The following C1orf87 variants were observed in gnomAD, a reference collection of about 807,000 sequenced individuals.
The protein encoded by C1orf87 is uncharacterized protein C1orf87.
A neutral mutation model predicts 60.5 loss-of-function variants in C1orf87; 58 were observed. The observed-to-expected ratio is 0.96, with a 90% CI of 0.78 to 1.19. C1orf87 has a LOEUF of 1.19. Among genes scored for constraint, C1orf87 ranks in the 50% most tolerant of loss-of-function variants. The pLI is 0.00. For missense variants in C1orf87, 673 were observed against 638.6 expected, an observed-to-expected ratio of 1.05 and a Z score of -0.58; for synonymous variants, 236 against 227.4, an observed-to-expected ratio of 1.04 and a Z score of -0.34.
At chr1:60,004,097 T>G (rs140042253) in intron 9 of C1orf87, among the ~76,000 whole-genome samples, 306 of 152,156 alleles carry the variant, frequency 2.0e-3, no homozygotes, top group African/African-American at 6.7e-3. Flanking sequence ...TATAAGAGGT[T>G]CAAAATACTC....
intron 3 of C1orf87, among the ~76,000 whole-genome samples, chr1:60,052,673 C>T (rs372070146): frequency 2.6e-5 from 4 of 152,204 alleles, no homozygotes; most frequent in African/African-American, 9.7e-5. Context: ...AGCAACTTCT[C>T]TTTTGGAGCA....
intron 2 of C1orf87, 108 bp from the exon 3 acceptor site, chr1:60,055,546 G>T: frequency 1.1e-6 from 1 of 875,768 alleles, no homozygotes; most frequent in Non-Finnish European, 1.8e-6. Flanking sequence ...TAGAAACTCA[G>T]CACAGTGGAA....
At chr1:60,014,806 T>C (rs774230994) in intron 8 of C1orf87, among the ~76,000 whole-genome samples, 5 of 152,202 alleles carry the variant, frequency 3.3e-5, no homozygotes, top group Non-Finnish European at 2.9e-5. Flanking sequence ...TCTCAGCACA[T>C]ACTGCTCCTT....
At chr1:60,033,687 C>A in intron 6 of C1orf87, 46 bp from the exon 7 acceptor site, 1 of 1,576,180 alleles carries the variant, frequency 6.3e-7, no homozygotes. Flanking sequence ...GTTATCCACC[C>A]AAGGCAGCTG....
intron 2 of C1orf87, among the ~76,000 whole-genome samples, chr1:60,066,719 C>T (rs1488538647): frequency 6.6e-6 from 1 of 151,796 alleles, no homozygotes; most frequent in East Asian, 1.9e-4. Flanking sequence ...GATACATGTG[C>T]AGAATGTGCA....
chr1:60,001,013 T>A, intron 10 of C1orf87, 64 bp downstream of exon 10: 1 of 1,333,162 alleles, frequency 7.5e-7, no homozygotes, highest in East Asian at 2.4e-5. Flanking sequence ...CCATCCAGCA[T>A]CAGAGAAAAG....
At chr1:60,073,311 A>C (rs575767174) in intron 1 of C1orf87, among the ~76,000 whole-genome samples, 20 of 152,310 alleles carry the variant, frequency 1.3e-4, no homozygotes, top group African/African-American at 4.6e-4. Context: ...AAGTTCAGTA[A>C]ATCTGGCCAC....
intron 2 of C1orf87, among the ~76,000 whole-genome samples, chr1:60,065,492 A>T (rs2100333040): frequency 6.6e-6 from 1 of 151,938 alleles, no homozygotes; most frequent in East Asian, 1.9e-4. Flanking sequence ...GAGCTGATAG[A>T]CCCTTATGTT....
At chr1:60,008,675 T>C (rs1384168387) in intron 9 of C1orf87, 1 of 456,164 alleles carries the variant, frequency 2.2e-6, no homozygotes, top group South Asian at 1.6e-5. Context: ...ACTGCTATAA[T>C]GTTTTTCAGC....
chr1:60,007,557 T>G (rs1349676156), intron 9 of C1orf87, among the ~76,000 whole-genome samples: 4 of 152,102 alleles, frequency 2.6e-5, no homozygotes, highest in Non-Finnish European at 5.9e-5. Context: ...TTAAGAGATT[T>G]TGTATGATAC....
chr1:59,992,161 CCT>C (rs1644928244), intron 11 of C1orf87, among the ~76,000 whole-genome samples: 1 of 151,944 alleles, frequency 6.6e-6, no homozygotes, highest in Admixed American at 6.6e-5. Flanking sequence ...CTCTTGATTG[CCT>C]AAGGTTAACC....
intron 8 of C1orf87, among the ~76,000 whole-genome samples, chr1:60,023,176 T>C (rs1251053622): frequency 6.6e-6 from 1 of 152,204 alleles, no homozygotes; most frequent in Non-Finnish European, 1.5e-5. Flanking sequence ...CATGGTTTAT[T>C]TCAAATTTCT....
chr1:60,005,451 A>G (rs1035597572), intron 9 of C1orf87, among the ~76,000 whole-genome samples: 1 of 152,086 alleles, frequency 6.6e-6, no homozygotes, highest in Non-Finnish European at 1.5e-5. Flanking sequence ...GCTAAAACCA[A>G]TGATTAGGGG....
At position 59,990,489 on chromosome 1, in the gene C1orf87, T is replaced by C; in HGVS notation, c.*184A>G. ...ATAAAACTAGGTTTCCTCTGATCAC[T>C]TTGAACTGCTTATGAGTGAGCATCA... On this transcript the variant is annotated 3_prime_UTR_variant, in exon 12 of 12. Transcript: ENST00000371201. 1.7e-6 allele frequency: 1 copy of C among 604,278 alleles called. No individual in the cohort carries two copies. The highest frequency in any genetic ancestry group is 2.7e-6 in the Non-Finnish European group (1 of 371,058). The allele number at this position is 604,278 out of a possible 1,614,324, so 37.4% of individuals were successfully genotyped here.
intron 7 of C1orf87, among the ~76,000 whole-genome samples, chr1:60,029,968 G>T (rs1234955419): frequency 6.6e-6 from 1 of 152,014 alleles, no homozygotes; most frequent in Non-Finnish European, 1.5e-5. Context: ...TGCCAAACTT[G>T]CCTGTCCTCT....
intron 2 of C1orf87, among the ~76,000 whole-genome samples, chr1:60,067,771 GGTAGTTTAGTCATGAAGTCTTTGC>G: frequency 6.6e-6 from 1 of 151,820 alleles, no homozygotes. Flanking sequence ...AATTGCTTTT[GGTAGTTTAGTCATGAAGTCTTTGC>G]CTATGCCTCT....
intron 6 of C1orf87, 119 bp from the exon 7 acceptor site, chr1:60,033,760 G>A (rs189996579): frequency 2.9e-5 from 33 of 1,122,458 alleles, no homozygotes; most frequent in East Asian, 2.7e-4. Flanking sequence ...GCCCATCTAC[G>A]TAGGCCCTCT....
At chr1:60,032,720 G>A (rs1014518651) in intron 7 of C1orf87, among the ~76,000 whole-genome samples, 2 of 152,094 alleles carry the variant, frequency 1.3e-5, no homozygotes, top group Admixed American at 6.5e-5. Flanking sequence ...TTACAGGCAT[G>A]AGCCACCACG....
intron 9 of C1orf87, among the ~76,000 whole-genome samples, chr1:60,005,770 C>CGTGGGTGTGTGTGTGTGTGTGTGT (rs1645040161): frequency 6.9e-6 from 1 of 144,006 alleles, no homozygotes; most frequent in African/African-American, 2.6e-5. Flanking sequence ...GAAGCTGATT[C>CGTGGGTGTGTGTGTGTGTGTGTGT]GTGTGTGTGT....
Sources: gnomAD v4.1 joint callset for allele counts (sites outside exome capture counted in the v4.1 genomes callset) on GRCh38, gnomAD v4.1.1 for gene constraint, MANE v1.5 for transcripts, NCBI Gene and HGNC (gene_info 2026-07-23, HGNC 2026-07-21) for gene names.